The following GAREM1 variants were observed in gnomAD, a reference collection of about 807,000 sequenced individuals.
The protein encoded by GAREM1 is GRB2 associated regulator of MAPK1 subtype 1, also known as GRB2-associated and regulator of MAPK protein 1.
GAREM1 carries 26 observed loss-of-function variants against 71.3 expected under a neutral mutation model. That is an observed-to-expected ratio of 0.36 (90% CI 0.27 to 0.51). GAREM1 has a LOEUF of 0.51. Among genes scored for constraint, GAREM1 ranks in the 20% least tolerant of loss-of-function variants. The pLI is 0.95. For missense variants in GAREM1, 1,026 were observed against 1,103.1 expected (o/e 0.93, Z 0.99); for synonymous variants, 440 against 433.2 (o/e 1.02, Z -0.20).
At chr18:32,358,275 A>G (rs887789606) in intron 2 of GAREM1, among the ~76,000 whole-genome samples, 1 of 151,788 alleles carries the variant, frequency 6.6e-6, no homozygotes, top group East Asian at 2.0e-4. Flanking sequence ...GCAGTGACCA[A>G]TGAGATATGC....
At chr18:32,419,082 C>CT (rs1249188806) in intron 1 of GAREM1, among the ~76,000 whole-genome samples, 4 of 152,140 alleles carry the variant, frequency 2.6e-5, no homozygotes, top group Admixed American at 1.3e-4. Context: ...AGTCCCTGTC[C>CT]TTTTGCTGGG....
intron 2 of GAREM1, among the ~76,000 whole-genome samples, chr18:32,329,880 CCT>C (rs1238994004): frequency 6.6e-6 from 1 of 151,916 alleles, no homozygotes; most frequent in Non-Finnish European, 1.5e-5. Flanking sequence ...CAATTCTACC[CCT>C]GTGTATAAGT....
intron 2 of GAREM1, among the ~76,000 whole-genome samples, chr18:32,380,578 A>G (rs1217927717): frequency 6.6e-6 from 1 of 151,960 alleles, no homozygotes; most frequent in Non-Finnish European, 1.5e-5. Context: ...AAAACTGATT[A>G]CCAATAATAA....
intron 4 of GAREM1, 30 bp from the exon 5 acceptor site, chr18:32,270,413 C>A: frequency 6.3e-7 from 1 of 1,579,434 alleles, no homozygotes. Flanking sequence ...TCCAGGTTAG[C>A]AACAGACTGA....
intron 1 of GAREM1, among the ~76,000 whole-genome samples, chr18:32,462,596 C>G (rs962042523): frequency 6.6e-6 from 1 of 152,160 alleles, no homozygotes; most frequent in African/African-American, 2.4e-5. Context: ...CTTTGTCATG[C>G]AGAAGCTTTT....
At chr18:32,360,600 C>T (rs912331602) in intron 2 of GAREM1, among the ~76,000 whole-genome samples, 26 of 152,044 alleles carry the variant, frequency 1.7e-4, no homozygotes, top group African/African-American at 6.0e-4. Context: ...AGGAATCCTC[C>T]TGCCTATAGG....
intron 2 of GAREM1, among the ~76,000 whole-genome samples, chr18:32,338,478 A>C (rs1490935873): frequency 6.6e-6 from 1 of 152,174 alleles, no homozygotes; most frequent in Non-Finnish European, 1.5e-5. Context: ...AAGAACCATG[A>C]AATGCTTATT....
At chr18:32,419,505 G>A (rs2048500641) in intron 1 of GAREM1, among the ~76,000 whole-genome samples, 1 of 152,118 alleles carries the variant, frequency 6.6e-6, no homozygotes, top group African/African-American at 2.4e-5. Flanking sequence ...CCTCCAATCT[G>A]CAAGAGGGCC....
chr18:32,456,824 GTATTTTCACATCACGGAA>G (rs2048894253), intron 1 of GAREM1, among the ~76,000 whole-genome samples: 3 of 152,146 alleles, frequency 2.0e-5, no homozygotes, highest in African/African-American at 7.2e-5. Flanking sequence ...AAAAGAATGA[GTATTTTCACATCACGGAA>G]TATTATGCAG....
At chr18:32,387,828 A>G (rs1257590933) in intron 2 of GAREM1, among the ~76,000 whole-genome samples, 3 of 152,210 alleles carry the variant, frequency 2.0e-5, no homozygotes, top group Admixed American at 2.0e-4. Flanking sequence ...ATTATTTTTC[A>G]TATTAAGAAT....
At chr18:32,271,027 T>C (rs1370697018) in intron 4 of GAREM1, among the ~76,000 whole-genome samples, 5 of 148,700 alleles carry the variant, frequency 3.4e-5, no homozygotes, top group Non-Finnish European at 7.4e-5. Flanking sequence ...CCACCTCAGC[T>C]TCCCGAGAGG....
At chr18:32,331,642 G>A (rs1351529874) in intron 2 of GAREM1, 1 of 152,160 alleles carries the variant, frequency 6.6e-6, no homozygotes, top group South Asian at 2.1e-4. Flanking sequence ...TGATTCAGAA[G>A]GTGTCGGATG....
At chr18:32,288,312 T>C in intron 3 of GAREM1, 109 bp from the exon 4 acceptor site, 2 of 800,344 alleles carry the variant, frequency 2.5e-6, no homozygotes, top group South Asian at 2.0e-5. Flanking sequence ...ATGCTGCGCT[T>C]TTCTTTAATA....
intron 3 of GAREM1, among the ~76,000 whole-genome samples, chr18:32,302,642 A>G (rs1248950598): frequency 6.6e-6 from 1 of 152,224 alleles, no homozygotes; most frequent in South Asian, 2.1e-4. Context: ...TCTCATTTAT[A>G]TATGGAAACT....
intron 2 of GAREM1, among the ~76,000 whole-genome samples, chr18:32,335,355 G>C (rs945737885): frequency 1.3e-5 from 2 of 152,168 alleles, no homozygotes. Context: ...GACTCACACG[G>C]TTCTGTGTGC....
intron 3 of GAREM1, among the ~76,000 whole-genome samples, chr18:32,293,168 C>A (rs1347704990): frequency 6.6e-6 from 1 of 151,988 alleles, no homozygotes; most frequent in African/African-American, 2.4e-5. Flanking sequence ...CACAGACACA[C>A]ACACACACGT....
At chr18:32,468,944 A>C (rs2049023234) in intron 1 of GAREM1, among the ~76,000 whole-genome samples, 1 of 144,916 alleles carries the variant, frequency 6.9e-6, no homozygotes, top group Non-Finnish European at 1.5e-5. Context: ...AAACGCCTCA[A>C]CACACCACCT....
intron 2 of GAREM1, among the ~76,000 whole-genome samples, chr18:32,316,304 G>A (rs140075837): frequency 9.0e-4 from 137 of 152,146 alleles, no homozygotes; most frequent in Non-Finnish European, 1.4e-3. Context: ...ATTGTTTAGT[G>A]AATACCCAAT....
At chr18:32,313,285 C>T (rs768754808) in intron 2 of GAREM1, among the ~76,000 whole-genome samples, 4 of 151,770 alleles carry the variant, frequency 2.6e-5, no homozygotes, top group Admixed American at 6.6e-5. Context: ...GAAGTGGGTC[C>T]GGGAAAAAAG....
Sources: allele counts gnomAD v4.1 joint callset (sites outside exome capture counted in the v4.1 genomes callset), GRCh38; gene constraint gnomAD v4.1.1; transcripts MANE v1.5; gene names NCBI Gene and HGNC (gene_info 2026-07-23, HGNC 2026-07-21).